The following DLG2 variants were observed in gnomAD, a reference collection of about 807,000 sequenced individuals.
DLG2 encodes the protein disks large homolog 2.
Under a neutral mutation model 132.5 loss-of-function variants are expected in DLG2, and 45 were observed. The observed-to-expected ratio is 0.34, with a 90% CI of 0.27 to 0.44. The LOEUF is 0.44. Among genes scored for constraint, DLG2 ranks in the 20% least tolerant of loss-of-function variants. DLG2 has a pLI of 1.00. For synonymous variants in DLG2, 424 were observed against 419.6 expected (o/e 1.01, Z -0.13); for missense variants, 1,045 against 1,196.9 (o/e 0.87, Z 1.87).
rs554617790 is a variant in DLG2 at position 83,766,438 on chromosome 11, T to C, written c.1825+20252A>G. Among the ~76,000 whole-genome samples, 3 of 151,652 alleles carry C rather than the reference T, an allele frequency of 2.0e-5. No individual in the cohort carries two copies. In the East Asian group the frequency reaches 5.8e-4, roughly 29 times the overall value. On this transcript the variant is annotated intron_variant, in intron 18 of 27. Transcript: ENST00000376104. ...TATAATGAGTTATGAGTTAAGCCTA[T>C]TTATCTTTGGTATTCTTCTTTGTGT...
chr11:84,467,494 G>C (rs1293234757), intron 7 of DLG2, among the ~76,000 whole-genome samples: 2 of 151,210 alleles, frequency 1.3e-5, no homozygotes, highest in East Asian at 3.9e-4. Context: ...GCGTGTAAAG[G>C]GATTTGTTTA....
chr11:84,591,223 C>CTCTCTGTGTGTGTGTG (rs1555073566), intron 6 of DLG2, among the ~76,000 whole-genome samples: 96 of 139,288 alleles, frequency 6.9e-4, no homozygotes, highest in African/African-American at 1.4e-3. Context: ...ATGTGTCTCT[C>CTCTCTGTGTGTGTGTG]TGTGTGTGTG....
intron 19 of DLG2, among the ~76,000 whole-genome samples, chr11:83,609,018 A>G (rs1282789801): frequency 6.6e-6 from 1 of 152,206 alleles, no homozygotes; most frequent in African/African-American, 2.4e-5. Flanking sequence ...GCCCCCCTTT[A>G]AAGTAAAATA....
At chr11:84,900,425 C>T (rs1003732750) in intron 6 of DLG2, among the ~76,000 whole-genome samples, 1 of 151,936 alleles carries the variant, frequency 6.6e-6, no homozygotes, top group African/African-American at 2.4e-5. Context: ...AATAAGCATC[C>T]TTGTCTTCAA....
At chr11:84,506,187 T>C (rs2099240013) in intron 7 of DLG2, among the ~76,000 whole-genome samples, 1 of 149,848 alleles carries the variant, frequency 6.7e-6, no homozygotes, top group Non-Finnish European at 1.5e-5. Flanking sequence ...GCCATTCTCC[T>C]GCCTCAGCCT....
chr11:83,725,966 A>AT (rs947918881), intron 18 of DLG2, among the ~76,000 whole-genome samples: 58 of 152,020 alleles, frequency 3.8e-4, no homozygotes, highest in Admixed American at 1.9e-3. Flanking sequence ...CCACCCACTC[A>AT]TTTTTCCCTG....
intron 11 of DLG2, among the ~76,000 whole-genome samples, chr11:84,057,307 G>A (rs1210079189): frequency 1.3e-5 from 2 of 152,162 alleles, no homozygotes; most frequent in East Asian, 1.9e-4. Context: ...AATGCATGAT[G>A]TTACTTTCTT....
chr11:83,540,115 C>G (rs747141018), intron 20 of DLG2, among the ~76,000 whole-genome samples: 1 of 152,184 alleles, frequency 6.6e-6, no homozygotes, highest in Admixed American at 6.6e-5. Context: ...CCTTCCTCCA[C>G]CCCATTACTA....
chr11:84,543,764 C>G (rs2099384023), intron 6 of DLG2, among the ~76,000 whole-genome samples: 1 of 152,260 alleles, frequency 6.6e-6, no homozygotes, highest in South Asian at 2.1e-4. Flanking sequence ...ATGTAAGTAA[C>G]AGCACTGATG....
intron 11 of DLG2, among the ~76,000 whole-genome samples, chr11:83,990,968 A>T (rs1200964040): frequency 6.6e-6 from 1 of 152,174 alleles, no homozygotes; most frequent in Non-Finnish European, 1.5e-5. Flanking sequence ...ATGAATGTGC[A>T]TAAGTTTCAG....
chr11:85,506,085 T>C (rs1386059943), intron 3 of DLG2, among the ~76,000 whole-genome samples: 4 of 152,228 alleles, frequency 2.6e-5, no homozygotes, highest in African/African-American at 9.6e-5. Flanking sequence ...TCATTTTTTA[T>C]TGTGTCTATT....
chr11:85,063,829 G>C (rs936518390), intron 6 of DLG2, among the ~76,000 whole-genome samples: 10 of 151,758 alleles, frequency 6.6e-5, no homozygotes, highest in African/African-American at 2.4e-4. Flanking sequence ...AATGGTACCA[G>C]AAACTTCACT....
intron 8 of DLG2, among the ~76,000 whole-genome samples, chr11:84,215,780 C>T (rs781658427): frequency 2.6e-5 from 4 of 152,150 alleles, no homozygotes; most frequent in Non-Finnish European, 5.9e-5. Context: ...AAAAAAATAA[C>T]ATCACTGGTC....
At chr11:84,944,881 G>A (rs932759524) in intron 6 of DLG2, among the ~76,000 whole-genome samples, 1 of 152,170 alleles carries the variant, frequency 6.6e-6, no homozygotes, top group African/African-American at 2.4e-5. Context: ...GGGATTACCG[G>A]CGTGAGCCAT....
intron 7 of DLG2, among the ~76,000 whole-genome samples, chr11:84,289,070 T>C (rs942223356): frequency 3.3e-5 from 5 of 152,098 alleles, no homozygotes; most frequent in Non-Finnish European, 7.4e-5. Flanking sequence ...TTTAAAAACA[T>C]TTCAGTGAAC....
At chr11:84,783,955 C>T (rs779745043) in intron 6 of DLG2, among the ~76,000 whole-genome samples, 2 of 151,620 alleles carry the variant, frequency 1.3e-5, no homozygotes, top group Non-Finnish European at 2.9e-5. Flanking sequence ...AGCATGGGTG[C>T]TTGTAATTCT....
intron 19 of DLG2, among the ~76,000 whole-genome samples, chr11:83,629,140 T>C (rs2063136597): frequency 6.6e-6 from 1 of 152,124 alleles, no homozygotes; most frequent in Admixed American, 6.6e-5. Context: ...AGCTAACAGA[T>C]CTTTTCATTT....
In DLG2 at chr11:84,574,291, AT is replaced by A. The variant is rs527943910; in HGVS notation, c.358-39561del. On this transcript the variant is annotated intron_variant, in intron 6 of 27. Transcript: ENST00000376104. ...AGAGTTTATATCTTGAAAATAAGAT[AT>A]TACAGGATGTTATATACAAGATGTT... 1.4e-4 allele frequency among the ~76,000 whole-genome samples: 22 copies of A among 152,196 alleles called. No homozygotes were observed. In the East Asian group the frequency reaches 1.7e-3, roughly 12 times the overall value.
At chr11:85,592,787 CA>C (rs1385648527) in intron 3 of DLG2, among the ~76,000 whole-genome samples, 1 of 151,050 alleles carries the variant, frequency 6.6e-6, no homozygotes, top group East Asian at 1.9e-4. Context: ...CTCCTTTCCG[CA>C]AAAAAAATTC....
Sources: allele counts gnomAD v4.1 joint callset (sites outside exome capture counted in the v4.1 genomes callset), GRCh38; gene constraint gnomAD v4.1.1; transcripts MANE v1.5; gene names NCBI Gene and HGNC (gene_info 2026-07-23, HGNC 2026-07-21).